The following CRPPA variants were observed in gnomAD, a reference collection of about 807,000 sequenced individuals.
The protein encoded by CRPPA is D-ribitol-5-phosphate cytidylyltransferase.
CRPPA carries 43 observed loss-of-function variants against 52.0 expected under a neutral mutation model. The ratio of observed to expected loss-of-function variants is 0.83; its 90% CI spans 0.65 to 1.07. The LOEUF (loss-of-function observed/expected upper bound fraction) is 1.07, where lower values mean the gene tolerates loss of function less well. Ranked by LOEUF, CRPPA falls within the 50% of genes least tolerant of loss-of-function variation. The pLI, the probability that CRPPA is intolerant of heterozygous loss-of-function variation, is 0.00. For synonymous variants in CRPPA, 250 were observed against 203.5 expected, an observed-to-expected ratio of 1.23 and a Z score of -1.94; for missense variants, 629 against 551.7, an observed-to-expected ratio of 1.14 and a Z score of -1.40.
chr7:16,421,412 G>A lies in CRPPA; in HGVS notation c.-90C>T. 5 of 1,170,912 alleles carry A rather than the reference G, an allele frequency of 4.3e-6. No individual in the cohort carries two copies. Among genetic ancestry groups the A allele is most frequent in the Non-Finnish European group, 5.3e-6 (5 of 939,240 alleles). The allele number at this position is 1,170,912 out of a possible 1,614,324, so 72.5% of individuals were successfully genotyped here. A position where few individuals can be genotyped will look rare whatever the true frequency, so the allele number is the denominator to read the frequency against. ...CTCGGCCGGGGTCGCGGGGCGAAGG[G>A]CAGACCACGGAGAGGGACGCAGAGC... On this transcript the variant is annotated 5_prime_UTR_variant, in exon 1 of 10. Transcript: ENST00000407010.
chr7:16,363,673 T>C (rs1786516040), intron 3 of CRPPA, among the ~76,000 whole-genome samples: 1 of 152,214 alleles, frequency 6.6e-6, no homozygotes, highest in African/African-American at 2.4e-5. Context: ...ACAGTCTCTT[T>C]AGTGATGGAA....
chr7:16,171,781 G>T (rs1378941880), intron 9 of CRPPA, among the ~76,000 whole-genome samples: 1 of 152,046 alleles, frequency 6.6e-6, no homozygotes, highest in Non-Finnish European at 1.5e-5. Context: ...AACAGAGTGA[G>T]ACTCTGTCTC....
intron 3 of CRPPA, among the ~76,000 whole-genome samples, chr7:16,365,619 TATAAAGATGA>T (rs753553327): frequency 2.2e-4 from 34 of 152,282 alleles, no homozygotes; most frequent in Non-Finnish European, 3.4e-4. Context: ...AATCTCTCTT[TATAAAGATGA>T]AAAAGGCAGG....
intron 9 of CRPPA, among the ~76,000 whole-genome samples, chr7:16,163,006 C>T (rs1197199741): frequency 7.4e-6 from 1 of 135,610 alleles, no homozygotes; most frequent in Admixed American, 8.4e-5. Context: ...CGGAGTCTCG[C>T]TCTGTTGCCC....
chr7:16,134,890 A>C (rs948801678), intron 9 of CRPPA, among the ~76,000 whole-genome samples: 2 of 152,218 alleles, frequency 1.3e-5, no homozygotes, highest in African/African-American at 4.8e-5. Context: ...GAAAAGACTT[A>C]AGTGAATACT....
At chr7:16,104,706 C>T (rs1015659230) in intron 9 of CRPPA, among the ~76,000 whole-genome samples, 2 of 152,032 alleles carry the variant, frequency 1.3e-5, no homozygotes, top group Non-Finnish European at 2.9e-5. Flanking sequence ...CAAGACCAAC[C>T]TGGTCAACAT....
chr7:16,412,748 C>T lies in CRPPA; in HGVS notation c.258-6411G>A, dbSNP rs528571540. ...CCTCTTAACTGAGGACAAGTCCACA[C>T]CAAACCCTCAGCAGCCTAATTCTGT... On this transcript the variant is annotated intron_variant, in intron 1 of 9. Transcript: ENST00000407010. Among the ~76,000 whole-genome samples, 32 of 152,330 alleles carry T rather than the reference C, an allele frequency of 2.1e-4. No homozygotes were observed. In the South Asian group the frequency reaches 5.4e-3, roughly 26 times the overall value.
intron 6 of CRPPA, chr7:16,261,871 G>A (rs1363130159): frequency 6.6e-6 from 1 of 151,946 alleles, no homozygotes; most frequent in East Asian, 1.9e-4. Flanking sequence ...TTACATTTGA[G>A]GTTTTTTTCT....
chr7:16,391,590 T>G (rs759354713), intron 2 of CRPPA, among the ~76,000 whole-genome samples: 19 of 152,186 alleles, frequency 1.2e-4, no homozygotes, highest in Non-Finnish European at 2.4e-4. Context: ...TCAACTTAAA[T>G]AACGCTAAAA....
intron 1 of CRPPA, among the ~76,000 whole-genome samples, chr7:16,416,444 T>C (rs1788195427): frequency 6.6e-6 from 1 of 152,194 alleles, no homozygotes; most frequent in African/African-American, 2.4e-5. Context: ...AACACCATTC[T>C]GGGCATCAGC....
At chr7:16,327,321 G>A (rs1031720258) in intron 3 of CRPPA, among the ~76,000 whole-genome samples, 1 of 152,212 alleles carries the variant, frequency 6.6e-6, no homozygotes, top group Middle Eastern at 3.4e-3. Flanking sequence ...GGCCGGGCGC[G>A]GTGGCTCACG....
At chr7:16,361,257 C>T (rs1786435361) in intron 3 of CRPPA, among the ~76,000 whole-genome samples, 3 of 151,998 alleles carry the variant, frequency 2.0e-5, no homozygotes, top group African/African-American at 7.3e-5. Flanking sequence ...GTGTGAACTA[C>T]TGATAGAAAT....
chr7:16,277,457 C>A (rs1784227627), intron 6 of CRPPA: 1 of 151,104 alleles, frequency 6.6e-6, no homozygotes, highest in African/African-American at 2.4e-5. Flanking sequence ...AAAAGGTCAT[C>A]ACATATTGAA....
chr7:16,093,956 C>A lies in CRPPA; in HGVS notation c.1252-2157G>T, dbSNP rs1042836363. On this transcript the variant is annotated intron_variant, in intron 9 of 9. Coordinates refer to ENST00000407010, the MANE Select transcript of CRPPA (RefSeq NM_001101426.4). The stretch of plus-strand genomic sequence containing the variant: ...AAACAGAACAAGTCTGTCTCTATCA[C>A]CCCGTTGAAACCAGTTTATACTTGT... Among the ~76,000 whole-genome samples the A allele has an allele frequency of 9.2e-5, 14 of 152,096 alleles. 1 individual carries two copies. Among genetic ancestry groups the A allele is most frequent in the Admixed American group, 5.9e-4 (9 of 15,254 alleles).
chr7:16,378,432 A>C (rs1280979003), intron 2 of CRPPA, among the ~76,000 whole-genome samples: 1 of 151,566 alleles, frequency 6.6e-6, no homozygotes, highest in African/African-American at 2.4e-5. Flanking sequence ...CCTACAAAGG[A>C]CATGAACTCA....
At chr7:16,281,843 A>G (rs1354917807) in intron 5 of CRPPA, among the ~76,000 whole-genome samples, 2 of 152,140 alleles carry the variant, frequency 1.3e-5, no homozygotes, top group African/African-American at 4.8e-5. Flanking sequence ...TGTTCATTTC[A>G]TCTAAATTCT....
chr7:16,092,720 A>G (rs1781860908), intron 9 of CRPPA, among the ~76,000 whole-genome samples: 1 of 152,160 alleles, frequency 6.6e-6, no homozygotes, highest in African/African-American at 2.4e-5. Flanking sequence ...ATCTGATCAC[A>G]TCAGTATCCT....
At chr7:16,261,226 T>G (rs895808825) in intron 6 of CRPPA, among the ~76,000 whole-genome samples, 1 of 152,136 alleles carries the variant, frequency 6.6e-6, no homozygotes, top group Admixed American at 6.5e-5. Context: ...TGTTGCTAAA[T>G]TTTAGATAAT....
At chr7:16,300,859 C>A (rs1784777247) in intron 5 of CRPPA, among the ~76,000 whole-genome samples, 1 of 152,162 alleles carries the variant, frequency 6.6e-6, no homozygotes, top group Admixed American at 6.5e-5. Flanking sequence ...ATTAAATAAA[C>A]TACCTCTATT....
Sources: allele counts gnomAD v4.1 joint callset (sites outside exome capture counted in the v4.1 genomes callset), GRCh38; gene constraint gnomAD v4.1.1; transcripts MANE v1.5; gene names NCBI Gene and HGNC (gene_info 2026-07-23, HGNC 2026-07-21).